SRCAP: variants seen among roughly 807,000 people sequenced by gnomAD.
SRCAP encodes the protein chromatin remodeling protein SRCAP.
Under a neutral mutation model 263.1 loss-of-function variants are expected in SRCAP, and 46 were observed. The observed-to-expected ratio is 0.17, with a 90% CI of 0.14 to 0.22. SRCAP has a LOEUF of 0.22. Among genes scored for constraint, SRCAP ranks in the 10% least tolerant of loss-of-function variants. The pLI, the probability that SRCAP is intolerant of heterozygous loss-of-function variation, is 1.00. For synonymous variants in SRCAP, 1,813 were observed against 1,662.1 expected, an observed-to-expected ratio of 1.09 and a Z score of -2.21; for missense variants, 3,695 against 4,181.9, an observed-to-expected ratio of 0.88 and a Z score of 3.21.
In SRCAP at chr16:30,739,087, C is replaced by T. The variant is rs750864654; in HGVS notation, c.9047C>T (p.Ser3016Leu). 5.0e-6 allele frequency: 8 copies of T among 1,614,102 alleles called. No individual in the cohort carries two copies. Among genetic ancestry groups the T allele is most frequent in the Admixed American group, 1.7e-5 (1 of 60,000 alleles). ...KRGRPPKNPPSPRPSQLPVLD... is the reference protein window; with the variant it reads ...KRGRPPKNPPLPRPSQLPVLD... The stretch of plus-strand genomic sequence containing the variant: ...GGCCGACCTCCCAAGAATCCTCCAT[C>T]ACCTCGGCCCAGCCAGCTCCCCGTC... The change falls in exon 34 of 34, where the codon TCA becomes TTA. Residue 3016 changes from serine to leucine, a missense_variant. Ser to Leu is a moderately radical substitution (Grantham distance 145). Transcript: ENST00000262518.
intron 18 of SRCAP, among the ~76,000 whole-genome samples, chr16:30,717,576 A>T (rs1159846857): frequency 2.1e-5 from 3 of 140,650 alleles, no homozygotes; most frequent in Non-Finnish European, 3.0e-5. Flanking sequence ...CCTTCCAACT[A>T]GCTGGGACCA....
chr16:30,716,141 A>G lies in SRCAP; in HGVS notation c.2569A>G (p.Ile857Val). The change falls in exon 17 of 34, where the codon ATC becomes GTC. Residue 857 changes from isoleucine to valine, a missense_variant. Ile to Val is a conservative substitution (Grantham distance 29, BLOSUM62 3). Transcript: ENST00000262518. ...KQMPKKYEHV[I>V]RCRLSKRQRC... Reference sequence around the variant, plus strand: ...GATGCCCAAAAAGTACGAGCATGTTATCCGCTGCAGGCTCTCCAAGCGTCA... The same window carrying G: ...GATGCCCAAAAAGTACGAGCATGTTGTCCGCTGCAGGCTCTCCAAGCGTCA... 1.2e-6 allele frequency: 2 copies of G among 1,614,220 alleles called. No individual in the cohort carries two copies. Among genetic ancestry groups the G allele is most frequent in the Non-Finnish European group, 1.7e-6 (2 of 1,180,038 alleles).
Position 30,709,370 on chromosome 16 carries a change from A to G in SRCAP, c.634-143A>G, listed in dbSNP as rs2052863737. 5.1e-6 allele frequency: 4 copies of G among 778,020 alleles called. No individual in the cohort carries two copies. The African/African-American group carries it at 7.0e-5, about 14-fold the overall frequency. 48.2% of individuals were successfully genotyped at this position (778,020 alleles called of 1,614,324 possible). A position where few individuals can be genotyped will look rare whatever the true frequency, so the allele number is the denominator to read the frequency against. On this transcript the variant is annotated intron_variant, in intron 6 of 33. Transcript: ENST00000262518. Reference sequence around the variant, plus strand: ...TCCCTTTGTGCTTCCTTTAGACCATAGTGAGCCCCTAAGGTTATTTAGTTT... The same window carrying G: ...TCCCTTTGTGCTTCCTTTAGACCATGGTGAGCCCCTAAGGTTATTTAGTTT...
intron 18 of SRCAP, among the ~76,000 whole-genome samples, chr16:30,719,198 T>G (rs894127889): frequency 1.7e-4 from 5 of 30,010 alleles, no homozygotes; most frequent in Non-Finnish European, 1.2e-3. Flanking sequence ...GCCCCGCCTA[T>G]TATTTATTTA....
rs185115813 is a variant in SRCAP at position 30,729,163 on chromosome 16, C to T, written c.5856C>T (p.Thr1952=). ...GCCACCCCACCTTTTGGACTTATAC[C>T]GAGGCTGCCCACCGGGCTGTACTGT... The part of the protein sequence containing the change: ...GPSHPTFWTY[T]EAAHRAVLFP... The change falls in exon 26 of 34, where the codon ACC becomes ACT. Residue 1952 remains threonine, a synonymous_variant. Coordinates refer to ENST00000262518, the MANE Select transcript of SRCAP (RefSeq NM_006662.3). 40 of 1,614,052 alleles carry T rather than the reference C, an allele frequency of 2.5e-5. No individual in the cohort carries two copies. Among genetic ancestry groups the T allele is most frequent in the Non-Finnish European group, 2.9e-5 (34 of 1,180,010 alleles).
chr16:30,699,573 G>A (rs2052742652), intron 1 of SRCAP, among the ~76,000 whole-genome samples: 1 of 152,184 alleles, frequency 6.6e-6, no homozygotes, highest in Non-Finnish European at 1.5e-5. Flanking sequence ...TCTGCGTTCA[G>A]CCCTCACTGG....
Position 30,711,625 on chromosome 16 carries a change from G to C in SRCAP, c.1373G>C (p.Gly458Ala). 6.2e-7 allele frequency: 1 copy of C among 1,613,866 alleles called. No individual in the cohort carries two copies. Among genetic ancestry groups the C allele is most frequent in the South Asian group, 1.1e-5 (1 of 91,058 alleles). ...CAGTATGCAGGAGCCTATGCCCCAGGCTCTGGGAGCAGTGAAGATGAGGAT... is the reference window on the plus strand; with the variant it reads ...CAGTATGCAGGAGCCTATGCCCCAGCCTCTGGGAGCAGTGAAGATGAGGAT... Reference protein sequence around the residue: ...LQQYAGAYAPGSGSSEDEDED... With the variant: ...LQQYAGAYAPASGSSEDEDED... Residue 458 changes from glycine (G) to alanine (A), a missense_variant, in exon 11 of 34, where the codon GGC becomes GCC. Gly to Ala is a moderately conservative substitution (Grantham distance 60, BLOSUM62 0). This residue lies in a region of SRCAP where 288 missense variants were observed against 302.4 expected (regional missense o/e 0.95). Coordinates refer to ENST00000262518, the MANE Select transcript of SRCAP (RefSeq NM_006662.3).
At chr16:30,734,242 C>T in intron 30 of SRCAP, 1 of 626,558 alleles carries the variant, frequency 1.6e-6, no homozygotes, top group Non-Finnish European at 2.7e-6. Flanking sequence ...GCTTGGAAGG[C>T]TGAGGCAGGA....
intron 25 of SRCAP, chr16:30,726,332 A>G (rs1393487184): frequency 6.6e-6 from 1 of 152,338 alleles, no homozygotes; most frequent in Non-Finnish European, 1.5e-5. Context: ...CATTTCATGT[A>G]CAAGTTTTTG....
chr16:30,711,511 C>T, intron 10 of SRCAP, 60 bp from the exon 11 acceptor site: 2 of 1,515,914 alleles, frequency 1.3e-6, no homozygotes, highest in African/African-American at 1.4e-5. Flanking sequence ...ACTGGTACTA[C>T]TCAGACCTCC....
At position 30,737,490 on chromosome 16, in the gene SRCAP, TCTC is replaced by T. The variant is rs1376000233; in HGVS notation, c.7455_7457del (p.Pro2488del). The stretch of plus-strand genomic sequence containing the variant: ...CATTCTCCCTGTCCATATCTTGCCT[TCTC>T]CTCCCCCTCCTTCACAGATTCCTCC... On this transcript the variant is annotated inframe_deletion, in exon 34 of 34. Coordinates refer to ENST00000262518, the MANE Select transcript of SRCAP (RefSeq NM_006662.3). The T allele has an allele frequency of 2.5e-6, 4 of 1,596,254 alleles. No homozygotes were observed. In the Admixed American group the frequency reaches 6.8e-5, roughly 27 times the overall value.
chr16:30,699,416 CTGAGT>C (rs1456891123), intron 1 of SRCAP, among the ~76,000 whole-genome samples, 174 bp downstream of exon 1: 2 of 152,194 alleles, frequency 1.3e-5, no homozygotes, highest in East Asian at 3.8e-4. Context: ...TTGACTGCTC[CTGAGT>C]CTCCTTTTGC....
At chr16:30,721,093 G>C in intron 20 of SRCAP, 96 bp from the exon 21 acceptor site, 2 of 1,536,352 alleles carry the variant, frequency 1.3e-6, no homozygotes, top group Non-Finnish European at 1.8e-6. Flanking sequence ...CACGGGTCTA[G>C]TATTTGATGG....
At chr16:30,707,458 G>T (rs1050063057) in intron 5 of SRCAP, 90 bp downstream of exon 5, 13 of 1,600,960 alleles carry the variant, frequency 8.1e-6, no homozygotes, top group Middle Eastern at 2.1e-4. Context: ...AATGGTGTAG[G>T]CATTAAGAGC....
At chr16:30,713,020 A>G (rs1271500177) in intron 14 of SRCAP, among the ~76,000 whole-genome samples, 188 bp from the exon 15 acceptor site, 1 of 152,114 alleles carries the variant, frequency 6.6e-6, no homozygotes, top group African/African-American at 2.4e-5. Flanking sequence ...TCAACCTCCC[A>G]AAGTACTGAG....
chr16:30,704,202 G>A lies in SRCAP; in HGVS notation c.193G>A (p.Asp65Asn). Residue 65 changes from aspartate to asparagine, a missense_variant, in exon 4 of 34, where the codon GAT (aspartate) becomes AAT (asparagine). By Grantham distance (23) the Asp-to-Asn change is conservative. Around this residue, in one of 12 missense-constraint regions of SRCAP, gnomAD observed 122 missense variants for 116.9 expected, o/e 1.04. Transcript: ENST00000262518. The part of the protein sequence containing the change: ...SSLDGPPGPP[D>N]GATVPLEGFS... ...ACTGGATGGACCTCCAGGCCCCCCAGATGGTGCCACAGTGCCCCTGGAGGG... is the reference window on the plus strand; with the variant it reads ...ACTGGATGGACCTCCAGGCCCCCCAAATGGTGCCACAGTGCCCCTGGAGGG... 6.2e-6 allele frequency: 10 copies of A among 1,614,200 alleles called. No homozygotes were observed. The highest frequency in any genetic ancestry group is 8.5e-6 in the Non-Finnish European group (10 of 1,180,034).
chr16:30,721,509 G>A, intron 21 of SRCAP, 33 bp downstream of exon 21: 1 of 1,596,006 alleles, frequency 6.3e-7, no homozygotes, highest in Non-Finnish European at 8.5e-7. Context: ...TGAGGGACTT[G>A]AGATGGGAGG....
In SRCAP at chr16:30,739,383, C is replaced by G; in HGVS notation, c.9343C>G (p.Pro3115Ala). 2 of 1,614,246 alleles carry G rather than the reference C, an allele frequency of 1.2e-6. No homozygotes were observed. The highest frequency in any genetic ancestry group is 4.5e-5 in the East Asian group (2 of 44,882). The stretch of plus-strand genomic sequence containing the variant: ...GACACCACCTGTGGTCTCACTAACC[C>G]CAAAACTGCGCTCGACCCGGCTGCG... ...ELTPPVVSLT[P>A]KLRSTRLRPG... Residue 3115 changes from proline (P) to alanine (A), a missense_variant, in exon 34 of 34, where the codon CCA (proline) becomes GCA (alanine). This residue lies in a region of SRCAP where 1,207 missense variants were observed against 1,142.9 expected (regional missense o/e 1.06). Transcript: ENST00000262518.
At chr16:30,710,541 C>T (rs2052876786) in intron 8 of SRCAP, 1 of 762,242 alleles carries the variant, frequency 1.3e-6, no homozygotes, top group African/African-American at 1.7e-5. Flanking sequence ...TGTTACCTGG[C>T]ACTTTCACAG....
Sources: gnomAD v4.1 joint callset for allele counts (sites outside exome capture counted in the v4.1 genomes callset) on GRCh38, gnomAD v4.1.1 for gene constraint, gnomAD v4.1.1 regional missense constraint, MANE v1.5 for transcripts, NCBI Gene and HGNC (gene_info 2026-07-23, HGNC 2026-07-21) for gene names.